DYSF: variants seen among roughly 807,000 people sequenced by gnomAD.
DYSF encodes the protein dystrophy-associated fer-1-like 1.
Under a neutral mutation model 274.9 loss-of-function variants are expected in DYSF, and 212 were observed. The observed-to-expected ratio is 0.77, with a 90% CI of 0.69 to 0.86. DYSF has a LOEUF of 0.86. Ranked by LOEUF, DYSF falls within the 40% of genes least tolerant of loss-of-function variation. DYSF has a pLI of 0.00. For missense variants in DYSF, 2,666 were observed against 2,783.2 expected (o/e 0.96, Z 0.95); for synonymous variants, 1,091 against 1,078.7 (o/e 1.01, Z -0.22).
Position 71,598,598 on chromosome 2 carries a change from C to T in DYSF, c.3609C>T (p.Ser1203=). 6.2e-7 allele frequency: 1 copy of T among 1,614,202 alleles called. No individual in the cohort carries two copies. Among genetic ancestry groups the T allele is most frequent in the Non-Finnish European group, 8.5e-7 (1 of 1,180,036 alleles). ...PYAIVSFLHQ[S]QKTVVVKNTL... is the part of the protein sequence containing the mutation. ...CCATCGTCTCCTTCCTGCACCAGAG[C>T]CAGAAGACGGTGGTGGTGAAGAACA... The change falls in exon 33 of 56, where the codon AGC becomes AGT. Residue 1203 remains serine, a synonymous_variant. Transcript: ENST00000410020.
chr2:71,561,555 G>A (rs2091757244), intron 22 of DYSF, among the ~76,000 whole-genome samples, 197 bp from the exon 23 acceptor site: 1 of 152,228 alleles, frequency 6.6e-6, no homozygotes, highest in African/African-American at 2.4e-5. Flanking sequence ...TGACATGGGT[G>A]AGGAAGGCTT....
chr2:71,584,630 T>C (rs940947934), intron 30 of DYSF, among the ~76,000 whole-genome samples: 9 of 152,210 alleles, frequency 5.9e-5, no homozygotes, highest in African/African-American at 1.9e-4. Flanking sequence ...GGTGATTGAC[T>C]GCATGTGATA....
intron 25 of DYSF, 28 bp downstream of exon 25, chr2:71,568,110 C>T: frequency 3.7e-6 from 6 of 1,614,206 alleles, no homozygotes; most frequent in South Asian, 1.1e-5. Flanking sequence ...CCCACCTCTG[C>T]CTCCCACTAC....
At chr2:71,662,514 ATGTG>A (rs1425434074) in intron 45 of DYSF, among the ~76,000 whole-genome samples, 3 of 144,956 alleles carry the variant, frequency 2.1e-5, no homozygotes, top group African/African-American at 5.1e-5. Flanking sequence ...GTATATGTGT[ATGTG>A]TGTCTGTGTT....
intron 30 of DYSF, among the ~76,000 whole-genome samples, chr2:71,575,102 G>A (rs144798093): frequency 6.6e-5 from 10 of 152,292 alleles, no homozygotes; most frequent in African/African-American, 1.7e-4. Context: ...CCCATGGGAC[G>A]TGAGGGTGTC....
At chr2:71,669,037 G>A in intron 49 of DYSF, 75 bp from the exon 50 acceptor site, 1 of 1,395,448 alleles carries the variant, frequency 7.2e-7, no homozygotes, top group South Asian at 1.2e-5. Context: ...TCTGCTTCTT[G>A]GCTTCTTGGC....
chr2:71,605,704 A>G (rs533918426), intron 36 of DYSF, among the ~76,000 whole-genome samples: 2 of 152,202 alleles, frequency 1.3e-5, no homozygotes, highest in East Asian at 3.9e-4. Context: ...GCTGCAGGGT[A>G]TATGGCTTTT....
intron 41 of DYSF, among the ~76,000 whole-genome samples, chr2:71,622,130 G>GTTT (rs74263952): frequency 2.9e-4 from 28 of 97,012 alleles, no homozygotes; most frequent in South Asian, 7.1e-4. Flanking sequence ...TGATTTCTTT[G>GTTT]TTTTTTTTTT....
chr2:71,456,167 CTT>C (rs1247515394), intron 1 of DYSF, among the ~76,000 whole-genome samples: 2 of 152,094 alleles, frequency 1.3e-5, no homozygotes, highest in East Asian at 3.9e-4. Context: ...TAGGCTCCCC[CTT>C]TCCAGGGCCC....
Position 71,633,149 on chromosome 2 carries a change from G to T in DYSF, c.4528-10816G>T, listed in dbSNP as rs200245286. Among the ~76,000 whole-genome samples, 24 of 152,294 alleles carry T rather than the reference G, an allele frequency of 1.6e-4. No individual in the cohort carries two copies. In the East Asian group the frequency reaches 4.1e-3, roughly 26 times the overall value. On this transcript the variant is annotated intron_variant, in intron 41 of 55. Transcript: ENST00000410020. The stretch of plus-strand genomic sequence containing the variant: ...ATTAAGTGACTTTTGTTATAAGTGT[G>T]TGGAGTTCTGCTGAATCAACGTGGT...
intron 3 of DYSF, among the ~76,000 whole-genome samples, chr2:71,482,746 C>T (rs1371366482): frequency 6.6e-6 from 1 of 152,038 alleles, no homozygotes; most frequent in Non-Finnish European, 1.5e-5. Context: ...TCATGATGAG[C>T]CTTAAGCATC....
intron 16 of DYSF, among the ~76,000 whole-genome samples, chr2:71,536,888 G>A: frequency 6.6e-6 from 1 of 152,132 alleles, no homozygotes; most frequent in East Asian, 1.9e-4. Flanking sequence ...CCTGGAAATA[G>A]GATATAGTCC....
At chr2:71,617,899 GTT>G (rs1327903019) in intron 40 of DYSF, among the ~76,000 whole-genome samples, 6 of 105,870 alleles carry the variant, frequency 5.7e-5, no homozygotes, top group East Asian at 6.9e-4. Flanking sequence ...GTAGAGGTGT[GTT>G]TGTGGTAGAG....
intron 37 of DYSF, 23 bp downstream of exon 37, chr2:71,611,369 T>C: frequency 6.2e-7 from 1 of 1,613,778 alleles, no homozygotes; most frequent in Non-Finnish European, 8.5e-7. Context: ...GGCCTGGGCG[T>C]GGGGGCTGGG....
intron 55 of DYSF, among the ~76,000 whole-genome samples, chr2:71,684,416 T>C (rs1050558176): frequency 6.6e-6 from 1 of 152,192 alleles, no homozygotes; most frequent in African/African-American, 2.4e-5. Context: ...CTGGCCAGTG[T>C]TCAGTTAGCC....
chr2:71,646,882 GA>G (rs1320229320), intron 42 of DYSF, among the ~76,000 whole-genome samples: 1 of 151,982 alleles, frequency 6.6e-6, no homozygotes, highest in East Asian at 1.9e-4. Flanking sequence ...AAAGATTTTG[GA>G]AAACAATATT....
At chr2:71,659,066 G>A (rs754914733) in intron 44 of DYSF, 33 bp downstream of exon 44, 10 of 1,613,928 alleles carry the variant, frequency 6.2e-6, no homozygotes, top group East Asian at 2.2e-5. Flanking sequence ...CTCCCCCAGA[G>A]TAGCAGGCTC....
At chr2:71,675,311 G>T (rs1034505221) in intron 52 of DYSF, among the ~76,000 whole-genome samples, 1 of 152,224 alleles carries the variant, frequency 6.6e-6, no homozygotes, top group Non-Finnish European at 1.5e-5. Context: ...TTTATGTGAG[G>T]TGGATTTTAC....
chr2:71,668,689 G>A (rs1433838889), intron 48 of DYSF, 65 bp from the exon 49 acceptor site: 3 of 1,489,028 alleles, frequency 2.0e-6, no homozygotes, highest in Non-Finnish European at 2.8e-6. Flanking sequence ...CTGGCCCAGA[G>A]CAGGTGCTTG....
Sources: gnomAD v4.1 joint callset for allele counts (sites outside exome capture counted in the v4.1 genomes callset) on GRCh38, gnomAD v4.1.1 for gene constraint, MANE v1.5 for transcripts, NCBI Gene and HGNC (gene_info 2026-07-23, HGNC 2026-07-21) for gene names.